The following HAT1 variants were observed in gnomAD, a reference collection of about 807,000 sequenced individuals.
HAT1 encodes the protein histone acetyltransferase type B catalytic subunit.
In HAT1, 20 loss-of-function variants were observed where a neutral mutation model predicts 56.6. The ratio of observed to expected loss-of-function variants is 0.35; its 90% CI spans 0.25 to 0.51. The LOEUF is 0.51. Ranked by LOEUF, HAT1 falls within the 20% of genes least tolerant of loss-of-function variation. The pLI, the probability that HAT1 is intolerant of heterozygous loss-of-function variation, is 0.95. For missense variants in HAT1, 408 were observed against 504.3 expected (o/e 0.81, Z 1.83); for synonymous variants, 146 against 165.5 (o/e 0.88, Z 0.91).
intron 2 of HAT1, among the ~76,000 whole-genome samples, chr2:171,931,849 C>T (rs550936298): frequency 6.6e-6 from 1 of 152,318 alleles, no homozygotes; most frequent in East Asian, 1.9e-4. Flanking sequence ...TGGCCAGAAC[C>T]TCTATTACAA....
chr2:171,926,828 G>A (rs1413795895), intron 2 of HAT1, among the ~76,000 whole-genome samples: 2 of 152,168 alleles, frequency 1.3e-5, no homozygotes, highest in Non-Finnish European at 2.9e-5. Context: ...GAAAATGTAT[G>A]TTCACGCAAA....
chr2:171,963,429 A>G (rs2105333566), intron 4 of HAT1, among the ~76,000 whole-genome samples: 1 of 152,274 alleles, frequency 6.6e-6, no homozygotes, highest in East Asian at 1.9e-4. Flanking sequence ...CAAAAGTGCT[A>G]CTTGAAACTT....
intron 5 of HAT1, 97 bp downstream of exon 5, chr2:171,965,614 A>G: frequency 1.0e-6 from 1 of 995,584 alleles, no homozygotes; most frequent in Non-Finnish European, 1.5e-6. Context: ...TGCAGTAAAC[A>G]AGTTTTAATC....
chr2:171,923,577 T>C (rs1686500922), intron 1 of HAT1: 1 of 152,230 alleles, frequency 6.6e-6, no homozygotes, highest in African/African-American at 2.4e-5. Context: ...CGCTGGCCTT[T>C]GTTGCTTTTA....
intron 8 of HAT1, among the ~76,000 whole-genome samples, chr2:171,974,072 A>G (rs984479108): frequency 6.7e-6 from 1 of 149,878 alleles, no homozygotes; most frequent in African/African-American, 2.5e-5. Context: ...CCAGCTACTC[A>G]GGAGGCTGAG....
chr2:171,936,940 G>A (rs574295691), intron 2 of HAT1, among the ~76,000 whole-genome samples: 17 of 152,186 alleles, frequency 1.1e-4, no homozygotes, highest in Non-Finnish European at 2.1e-4. Context: ...TATATTAAAT[G>A]TGTTAAATAC....
intron 2 of HAT1, among the ~76,000 whole-genome samples, chr2:171,930,161 A>G (rs1018432120): frequency 6.6e-6 from 1 of 152,098 alleles, no homozygotes; most frequent in African/African-American, 2.4e-5. Flanking sequence ...TAAAAATGGT[A>G]TACTTTTTTA....
At chr2:171,966,105 G>C (rs1048746028) in intron 6 of HAT1, 197 bp downstream of exon 6, 9 of 591,438 alleles carry the variant, frequency 1.5e-5, no homozygotes, top group Admixed American at 6.4e-5. Flanking sequence ...GCTGTTGTCC[G>C]TTAGGGCCCT....
chr2:171,974,557 TTTTC>T (rs1687914229), intron 8 of HAT1, among the ~76,000 whole-genome samples: 1 of 152,170 alleles, frequency 6.6e-6, no homozygotes, highest in African/African-American at 2.4e-5. Context: ...GTCAGATGCA[TTTTC>T]TTTCTTTTTC....
chr2:171,953,341 G>A (rs1434922390), intron 4 of HAT1, among the ~76,000 whole-genome samples: 2 of 151,952 alleles, frequency 1.3e-5, no homozygotes, highest in Non-Finnish European at 2.9e-5. Flanking sequence ...GCTAGACCCT[G>A]TCTCAAAAAC....
chr2:171,971,072 G>A (rs1034687728), intron 8 of HAT1, among the ~76,000 whole-genome samples: 2 of 151,904 alleles, frequency 1.3e-5, no homozygotes, highest in Non-Finnish European at 2.9e-5. Flanking sequence ...GATGGTGGGC[G>A]CCCTGTAGTC....
At chr2:171,949,985 C>T (rs1171821386) in intron 3 of HAT1, among the ~76,000 whole-genome samples, 3 of 152,170 alleles carry the variant, frequency 2.0e-5, no homozygotes, top group African/African-American at 7.2e-5. Flanking sequence ...CCAGATTCAT[C>T]TGGTACTTTC....
chr2:171,939,590 A>G (rs1458669678), intron 2 of HAT1, among the ~76,000 whole-genome samples: 2 of 152,222 alleles, frequency 1.3e-5, no homozygotes, highest in Non-Finnish European at 2.9e-5. Flanking sequence ...ACTTCTGTGT[A>G]TAAGAGAAGA....
intron 3 of HAT1, among the ~76,000 whole-genome samples, chr2:171,947,649 C>T (rs901690248): frequency 1.1e-4 from 17 of 152,186 alleles, no homozygotes; most frequent in Non-Finnish European, 1.8e-4. Context: ...GAGGCTGAGG[C>T]GGGCAGATTG....
intron 8 of HAT1, among the ~76,000 whole-genome samples, chr2:171,969,982 G>A (rs1360203456): frequency 1.3e-5 from 2 of 151,948 alleles, no homozygotes; most frequent in African/African-American, 2.4e-5. Context: ...GGAGATTCCC[G>A]TCTCTATAAA....
chr2:171,965,236 A>G (rs1687655385), intron 4 of HAT1, 102 bp from the exon 5 acceptor site: 3 of 697,604 alleles, frequency 4.3e-6, no homozygotes, highest in Non-Finnish European at 4.7e-6. Flanking sequence ...TTTTCAACCA[A>G]AGTTTTGTAA....
chr2:171,968,585 T>C (rs1485644910), intron 8 of HAT1, among the ~76,000 whole-genome samples: 1 of 152,200 alleles, frequency 6.6e-6, no homozygotes, highest in Admixed American at 6.5e-5. Flanking sequence ...CATTAGAAAC[T>C]GAAGTCTCTA....
chr2:171,970,892 C>T (rs1687799382), intron 8 of HAT1, among the ~76,000 whole-genome samples: 7 of 151,232 alleles, frequency 4.6e-5, no homozygotes. Context: ...AAGCTTGTAC[C>T]TCATCTATTA....
intron 8 of HAT1, among the ~76,000 whole-genome samples, chr2:171,970,964 G>C (rs1170442326): frequency 6.6e-6 from 1 of 151,904 alleles, no homozygotes; most frequent in African/African-American, 2.4e-5. Flanking sequence ...ACTTTGGGAG[G>C]CCGAGGCGGG....
Sources: allele counts gnomAD v4.1 joint callset (sites outside exome capture counted in the v4.1 genomes callset), GRCh38; gene constraint gnomAD v4.1.1; transcripts MANE v1.5; gene names NCBI Gene and HGNC (gene_info 2026-07-23, HGNC 2026-07-21).